Variants in GUCY1A1 observed in about 807,000 individuals in gnomAD.
The protein encoded by GUCY1A1 is guanylate cyclase 1 soluble subunit alpha 1.
A neutral mutation model predicts 64.5 loss-of-function variants in GUCY1A1; 48 were observed. The ratio of observed to expected loss-of-function variants is 0.74; its 90% CI spans 0.59 to 0.95. The LOEUF (loss-of-function observed/expected upper bound fraction) is 0.95. Ranked by LOEUF, GUCY1A1 falls within the 40% of genes least tolerant of loss-of-function variation. GUCY1A1 has a pLI of 0.00. For missense variants in GUCY1A1, 804 were observed against 825.3 expected (o/e 0.97, Z 0.32); for synonymous variants, 308 against 303.4 (o/e 1.02, Z -0.16).
At chr4:155,721,032 G>A (rs1733897210) in intron 8 of GUCY1A1, among the ~76,000 whole-genome samples, 1 of 152,100 alleles carries the variant, frequency 6.6e-6, no homozygotes, top group Non-Finnish European at 1.5e-5. Context: ...GGGAAGTTGA[G>A]GCAGGAGGAT....
At chr4:155,713,824 G>C (rs1475309183) in intron 7 of GUCY1A1, among the ~76,000 whole-genome samples, 3 of 152,174 alleles carry the variant, frequency 2.0e-5, no homozygotes, top group African/African-American at 7.2e-5. Context: ...TCCTCTCAAA[G>C]AATGAGGAGA....
intron 2 of GUCY1A1, among the ~76,000 whole-genome samples, chr4:155,673,432 G>A (rs1161176399): frequency 6.6e-6 from 1 of 151,632 alleles, no homozygotes; most frequent in Admixed American, 6.6e-5. Context: ...AAAGAAGTTA[G>A]GAGAAGGAAG....
intron 2 of GUCY1A1, among the ~76,000 whole-genome samples, chr4:155,679,771 A>T (rs1300097066): frequency 1.3e-5 from 2 of 152,232 alleles, no homozygotes; most frequent in South Asian, 2.1e-4. Context: ...ATGTGTGGAT[A>T]AAAGTTTATT....
At chr4:155,727,457 A>G (rs1734862411) in intron 9 of GUCY1A1, among the ~76,000 whole-genome samples, 1 of 151,890 alleles carries the variant, frequency 6.6e-6, no homozygotes, top group Admixed American at 6.6e-5. Context: ...AATTCAAATG[A>G]TGCACTTTAA....
chr4:155,703,253 A>AT (rs1331234389), intron 3 of GUCY1A1, among the ~76,000 whole-genome samples: 2 of 152,212 alleles, frequency 1.3e-5, no homozygotes, highest in Non-Finnish European at 2.9e-5. Context: ...AACCATAAGT[A>AT]TTTGATGAGG....
chr4:155,714,924 G>A (rs1733038656), intron 7 of GUCY1A1, among the ~76,000 whole-genome samples: 1 of 152,200 alleles, frequency 6.6e-6, no homozygotes, highest in Non-Finnish European at 1.5e-5. Context: ...ACGGTCTCCT[G>A]TCTTAGAATT....
intron 2 of GUCY1A1, among the ~76,000 whole-genome samples, chr4:155,682,063 A>G (rs1735850161): frequency 6.6e-6 from 1 of 152,154 alleles, no homozygotes; most frequent in African/African-American, 2.4e-5. Context: ...GAGTTGCCAC[A>G]TCATGCCAAC....
intron 2 of GUCY1A1, 42 bp downstream of exon 2, chr4:155,667,461 G>C (rs34374524): frequency 6.6e-6 from 1 of 152,264 alleles, no homozygotes; most frequent in South Asian, 2.1e-4. Context: ...GGGTTCTTCA[G>C]ACAGGCGGTC....
At chr4:155,693,745 T>A (rs1313714450) in intron 2 of GUCY1A1, among the ~76,000 whole-genome samples, 1 of 152,194 alleles carries the variant, frequency 6.6e-6, no homozygotes, top group Non-Finnish European at 1.5e-5. Flanking sequence ...CTGTTCGGCT[T>A]ATTTCCTGGA....
At position 155,703,971 on chromosome 4, in the gene GUCY1A1, A is replaced by G. The variant is rs776843894; in HGVS notation, c.295A>G (p.Lys99Glu). The G allele has an allele frequency of 1.9e-6, 3 of 1,607,918 alleles. No individual in the cohort carries two copies. Among genetic ancestry groups the G allele is most frequent in the Admixed American group, 1.7e-5 (1 of 58,834 alleles). Reference sequence around the variant, plus strand: ...TGTTGCACTTCAGAGAACATTGGCAAAGCACAAAATAAAAGAAAGCAGGTA... The same window carrying G: ...TGTTGCACTTCAGAGAACATTGGCAGAGCACAAAATAAAAGAAAGCAGGTA... Reference protein sequence around the residue: ...LNVALQRTLAKHKIKESRKSL... With the variant: ...LNVALQRTLAEHKIKESRKSL... The change falls in exon 4 of 10, where the codon AAG (lysine) becomes GAG (glutamate). Residue 99 changes from lysine to glutamate, a missense_variant. By Grantham distance (56) the Lys-to-Glu change is moderately conservative. Transcript: ENST00000506455.
chr4:155,697,184 T>C (rs1730532794), intron 3 of GUCY1A1, 62 bp downstream of exon 3: 2 of 1,341,766 alleles, frequency 1.5e-6, no homozygotes, highest in Admixed American at 4.0e-5. Flanking sequence ...AGAATGTTTT[T>C]CCAAGGAAAA....
intron 8 of GUCY1A1, among the ~76,000 whole-genome samples, chr4:155,718,274 T>C (rs960600468): frequency 6.6e-6 from 1 of 152,150 alleles, no homozygotes; most frequent in Non-Finnish European, 1.5e-5. Flanking sequence ...AGAAGAAATT[T>C]AAAAACAAAA....
intron 6 of GUCY1A1, 175 bp downstream of exon 6, chr4:155,711,426 T>C: frequency 2.2e-6 from 1 of 461,504 alleles, no homozygotes; most frequent in South Asian, 4.7e-5. Flanking sequence ...TCTGCATTTG[T>C]TTGCTTACTT....
chr4:155,676,532 T>C (rs1004401003), intron 2 of GUCY1A1, among the ~76,000 whole-genome samples: 1 of 151,440 alleles, frequency 6.6e-6, no homozygotes, highest in Non-Finnish European at 1.5e-5. Context: ...AGTGAAAAGG[T>C]ATTTGGCTGT....
intron 2 of GUCY1A1, among the ~76,000 whole-genome samples, chr4:155,670,825 T>C (rs191368055): frequency 4.6e-5 from 7 of 152,176 alleles, no homozygotes; most frequent in African/African-American, 1.7e-4. Context: ...TACCAAGTCA[T>C]CTATCTCACC....
Position 155,713,469 on chromosome 4 carries a change from C to T in GUCY1A1, c.1458C>T (p.Asp486=). 1 of 1,614,168 alleles carries T rather than the reference C, an allele frequency of 6.2e-7. No individual in the cohort carries two copies. The highest frequency in any genetic ancestry group is 1.1e-5 in the South Asian group (1 of 91,084). The change falls in exon 7 of 10, where the codon GAC becomes GAT. Residue 486 remains aspartate, a synonymous_variant. Transcript: ENST00000506455. ...GTAATGTCACCATGCTCTTCTCAGA[C>T]ATCGTTGGGTTCACTGCCATCTGCT... ...KFSNVTMLFS[D]IVGFTAICSQ...
chr4:155,710,026 A>G (rs1413645066), intron 5 of GUCY1A1, among the ~76,000 whole-genome samples: 1 of 152,254 alleles, frequency 6.6e-6, no homozygotes, highest in Non-Finnish European at 1.5e-5. Context: ...CATTCAGCTA[A>G]CACTAAACAA....
intron 8 of GUCY1A1, among the ~76,000 whole-genome samples, chr4:155,721,275 TA>T (rs1195864322): frequency 2.0e-5 from 3 of 152,000 alleles, no homozygotes; most frequent in Non-Finnish European, 4.4e-5. Context: ...AAAAAATAAA[TA>T]AAATAAAACA....
intron 9 of GUCY1A1, among the ~76,000 whole-genome samples, chr4:155,725,167 C>CT: frequency 6.6e-6 from 1 of 152,180 alleles, no homozygotes; most frequent in South Asian, 2.1e-4. Context: ...GCCTGCCTCC[C>CT]TTTTTAGAAT....
Sources: gnomAD v4.1 joint callset for allele counts (sites outside exome capture counted in the v4.1 genomes callset) on GRCh38, gnomAD v4.1.1 for gene constraint, MANE v1.5 for transcripts, NCBI Gene and HGNC (gene_info 2026-07-23, HGNC 2026-07-21) for gene names.